Variants in ISLR2 observed in about 807,000 individuals in gnomAD.
ISLR2 encodes immunoglobulin superfamily containing leucine-rich repeat protein 2.
Under a neutral mutation model 25.5 loss-of-function variants are expected in ISLR2, and 16 were observed. That is an observed-to-expected ratio of 0.63 (90% CI 0.43 to 0.95). The LOEUF is 0.95. Ranked by LOEUF, ISLR2 falls within the 40% of genes least tolerant of loss-of-function variation. The pLI is 0.00. For missense variants in ISLR2, 883 were observed against 1,030.7 expected (o/e 0.86, Z 1.96); for synonymous variants, 508 against 486.6 (o/e 1.04, Z -0.58).
At position 74,133,048 on chromosome 15, in the gene ISLR2, G is replaced by C. The variant is rs2072463732; in HGVS notation, c.294G>C (p.Leu98=). The change falls in exon 3 of 3, where the codon CTG becomes CTC. Residue 98 remains leucine, a synonymous_variant. Transcript: ENST00000453268. ...RTVEPGALAV[L]SQLKNLDLSH... ...TGGAGCCAGGCGCACTGGCCGTGCT[G>C]AGTCAGCTCAAGAACCTCGATCTGA... 2 of 1,613,132 alleles carry C rather than the reference G, an allele frequency of 1.2e-6. No individual in the cohort carries two copies. Among genetic ancestry groups the C allele is most frequent in the South Asian group, 1.1e-5 (1 of 91,084 alleles).
chr15:74,110,778 G>A (rs1349258001), intron 2 of ISLR2, among the ~76,000 whole-genome samples: 1 of 152,012 alleles, frequency 6.6e-6, no homozygotes, highest in Non-Finnish European at 1.5e-5. Flanking sequence ...CCAACATGGC[G>A]ATACCGCATC....
At position 74,133,754 on chromosome 15, in the gene ISLR2, G is replaced by A; in HGVS notation, c.1000G>A (p.Ala334Thr). 6.2e-7 allele frequency: 1 copy of A among 1,613,406 alleles called. No individual in the cohort carries two copies. The highest frequency in any genetic ancestry group is 8.5e-7 in the Non-Finnish European group (1 of 1,179,744). ...PAPPATPRFL[A>T]LANGSLLVPL... ...GCCCCCAGCCACACCGCGCTTCCTGGCCCTCGCAAATGGCTCCCTGTTGGT... is the reference window on the plus strand; with the variant it reads ...GCCCCCAGCCACACCGCGCTTCCTGACCCTCGCAAATGGCTCCCTGTTGGT... Residue 334 changes from alanine to threonine, a missense_variant, in exon 3 of 3, where the codon GCC (alanine) becomes ACC (threonine). By Grantham distance (58) the Ala-to-Thr change is moderately conservative. Transcript: ENST00000453268.
downstream of ISLR2, chr15:74,138,603 T>C (rs1595953410): frequency 6.6e-6 from 1 of 152,528 alleles, no homozygotes; most frequent in South Asian, 2.1e-4. Context: ...CCTACAAAGA[T>C]TCTTAGAAAT....
upstream of ISLR2, chr15:74,127,186 T>G (rs1188458073): frequency 6.6e-6 from 1 of 152,152 alleles, no homozygotes; most frequent in African/African-American, 2.4e-5. Context: ...CAACTCTGAG[T>G]GCAGTTGCAA....
intron 2 of ISLR2, among the ~76,000 whole-genome samples, chr15:74,117,769 C>T (rs1595939121): frequency 6.6e-6 from 1 of 152,226 alleles, no homozygotes; most frequent in South Asian, 2.1e-4. Context: ...GCTAACACAA[C>T]AGCTCCCTGG....
Position 74,132,388 on chromosome 15 carries a change from C to T in ISLR2, c.-8-359C>T, listed in dbSNP as rs1346430260. On this transcript the variant is annotated intron_variant, in intron 2 of 2. Transcript: ENST00000453268. The surrounding 1 kb of genome is among the most constrained non-coding windows in gnomAD (Gnocchi z 4.3). ...TGTCCTTCTTGGGTAGGATCCATTT[C>T]ACCAGGTTAAACGAAGGCTTAGAAA... Among the ~76,000 whole-genome samples, 1 of 152,156 alleles carries T rather than the reference C, an allele frequency of 6.6e-6. No individual in the cohort carries two copies. Among genetic ancestry groups the T allele is most frequent in the African/African-American group, 2.4e-5 (1 of 41,434 alleles).
chr15:74,123,359 A>C (rs909929103), upstream of ISLR2, among the ~76,000 whole-genome samples: 4 of 152,160 alleles, frequency 2.6e-5, no homozygotes, highest in African/African-American at 9.7e-5. Flanking sequence ...GCCCTGTCAG[A>C]TGGCAGCCTG....
chr15:74,122,765 C>G (rs943320929), intron 2 of ISLR2, among the ~76,000 whole-genome samples: 2 of 152,198 alleles, frequency 1.3e-5, no homozygotes, highest in African/African-American at 4.8e-5. Flanking sequence ...CAAGTGCCCT[C>G]CCTGTGCTGT....
rs754371923 is a variant in ISLR2, at chr15:74,133,638, T to A, written c.884T>A (p.Val295Asp). ...PPVLSGEDDG[V>D]GAEEGEGEGD... ...GTTCTGAGCGGGGAGGACGACGGGG[T>A]TGGGGCGGAGGAAGGAGAGGGAGAA... The change falls in exon 3 of 3, where the codon GTT (valine) becomes GAT (aspartate). Residue 295 changes from valine to aspartate, a missense_variant. Val to Asp is a radical substitution (Grantham distance 152). Around this residue, in one of 2 missense-constraint regions of ISLR2, gnomAD observed 612 missense variants for 642.8 expected, o/e 0.95. Transcript: ENST00000453268. 5.6e-6 allele frequency: 9 copies of A among 1,613,254 alleles called. No individual in the cohort carries two copies. Among genetic ancestry groups the A allele is most frequent in the Non-Finnish European group, 7.6e-6 (9 of 1,179,752 alleles).
At chr15:74,119,064 T>C (rs2072232783) in intron 2 of ISLR2, among the ~76,000 whole-genome samples, 1 of 152,194 alleles carries the variant, frequency 6.6e-6, no homozygotes, top group Non-Finnish European at 1.5e-5. Context: ...AATTAGCATC[T>C]CCACCACCTC....
chr15:74,118,833 A>G (rs1309229312), intron 2 of ISLR2, among the ~76,000 whole-genome samples: 2 of 151,698 alleles, frequency 1.3e-5, no homozygotes, highest in African/African-American at 4.8e-5. Flanking sequence ...AATTTTTTGT[A>G]TTTTTAGTAG....
At position 74,102,211 on chromosome 15, in the gene ISLR2, G is replaced by GA. The variant is rs578107757; in HGVS notation, n.160-1622dup. ...TCAGTCAACTTGAGCAACAAGGTGA[G>GA]AAAAAAAAAAAAAGATGTAGGAATG... On this transcript the variant is annotated intron_variant and non_coding_transcript_variant, in intron 1 of 3. Coordinates refer to the ISLR2 transcript ENST00000561975. Among the ~76,000 whole-genome samples, 45 of 44,546 alleles carry GA rather than the reference G, an allele frequency of 1.0e-3. 1 individual carries two copies. Among genetic ancestry groups the GA allele is most frequent in the Admixed American group, 1.9e-3 (6 of 3,180 alleles). The allele number at this position is 44,546 out of a possible 152,430, so 29.2% of individuals were successfully genotyped here.
At chr15:74,137,237 A>G (rs2072579380), downstream of ISLR2, among the ~76,000 whole-genome samples, 1 of 152,196 alleles carries the variant, frequency 6.6e-6, no homozygotes, top group African/African-American at 2.4e-5. Context: ...GTTCCCTGAG[A>G]AGCCGGTGGG....
chr15:74,134,248 G>A lies in ISLR2; in HGVS notation c.1494G>A (p.Ala498=), dbSNP rs778189163. 2 of 1,580,886 alleles carry A rather than the reference G, an allele frequency of 1.3e-6. No homozygotes were observed. Among genetic ancestry groups the A allele is most frequent in the East Asian group, 2.3e-5 (1 of 42,802 alleles). Residue 498 remains alanine (A), a synonymous_variant, in exon 3 of 3, where the codon GCG becomes GCA. Transcript: ENST00000453268. ...VIALDVAERE[A]RVQLTPLAAR... is the part of the protein sequence containing the mutation. Reference sequence around the variant, plus strand: ...CGCTGGATGTGGCGGAGCGCGAGGCGCGGGTGCAGCTGACTCCGCTGGCTG... The same window carrying A: ...CGCTGGATGTGGCGGAGCGCGAGGCACGGGTGCAGCTGACTCCGCTGGCTG...
intron 2 of ISLR2, among the ~76,000 whole-genome samples, chr15:74,106,145 C>T (rs565622190): frequency 9.2e-5 from 14 of 152,218 alleles, no homozygotes; most frequent in African/African-American, 2.2e-4. Context: ...GAGCTATGAT[C>T]GTGCCACTGA....
chr15:74,132,962 G>T lies in ISLR2; in HGVS notation c.208G>T (p.Ala70Ser), dbSNP rs2072459317. Residue 70 changes from alanine to serine, a missense_variant, in exon 3 of 3, where the codon GCC becomes TCC. Physicochemically the swap from Ala to Ser is moderately conservative, Grantham distance 99. This residue lies in a region of ISLR2 where 271 missense variants were observed against 387.9 expected (regional missense o/e 0.70). Transcript: ENST00000453268. This position sits in a 1 kb window ranked among gnomAD's most constrained non-coding sequence, Gnocchi z 4.3. ...ANKITVLRRG[A>S]FADVTQVTSL... ...CAAGATCACTGTGCTGCGGCGCGGG[G>T]CCTTCGCCGACGTCACACAGGTCAC... 1.2e-6 allele frequency: 2 copies of T among 1,614,010 alleles called. No homozygotes were observed. Among genetic ancestry groups the T allele is most frequent in the East Asian group, 4.5e-5 (2 of 44,888 alleles).
chr15:74,110,927 C>G (rs571967775), intron 2 of ISLR2, among the ~76,000 whole-genome samples: 27 of 151,934 alleles, frequency 1.8e-4, no homozygotes, highest in Non-Finnish European at 2.5e-4. Context: ...ATCGTGCCAT[C>G]GCACTCCAGC....
At position 74,136,742 on chromosome 15, in the gene ISLR2, C is replaced by A. The variant is rs2072573921; in HGVS notation, c.*1750C>A. ...CGCGGGCCTGGGACGGAGTAGCCCC[C>A]CGGAGCCCGTGCCCTTTTCTAAACG... On this transcript the variant is annotated 3_prime_UTR_variant, in exon 3 of 3. Coordinates refer to ENST00000453268, the MANE Select transcript of ISLR2 (RefSeq NM_020851.3). 6.0e-6 allele frequency: 1 copy of A among 167,174 alleles called. No homozygotes were observed. Among genetic ancestry groups the A allele is most frequent in the Admixed American group, 6.5e-5 (1 of 15,292 alleles). The allele number at this position is 167,174 out of a possible 1,614,324, so 10.4% of individuals were successfully genotyped here.
intron 2 of ISLR2, among the ~76,000 whole-genome samples, chr15:74,110,928 G>A (rs955238467): frequency 5.3e-5 from 8 of 151,856 alleles, no homozygotes; most frequent in African/African-American, 1.7e-4. Flanking sequence ...TCGTGCCATC[G>A]CACTCCAGCC....
Sources: gnomAD v4.1 joint callset for allele counts (sites outside exome capture counted in the v4.1 genomes callset) on GRCh38, gnomAD v4.1.1 for gene constraint, gnomAD v4.1.1 regional missense constraint, Gnocchi (gnomAD v3.1) non-coding constraint, MANE v1.5 for transcripts, NCBI Gene and HGNC (gene_info 2026-07-23, HGNC 2026-07-21) for gene names.